The following PABPC4L variants were observed in gnomAD, a reference collection of about 807,000 sequenced individuals.
PABPC4L encodes poly(A) binding protein cytoplasmic 4 like.
For synonymous variants in PABPC4L, 169 were observed against 164.1 expected (o/e 1.03, Z -0.23); for missense variants, 452 against 451.4 (o/e 1.00, Z -0.01).
At position 134,200,522 on chromosome 4, in the gene PABPC4L, C is replaced by T. The variant is rs763198595; in HGVS notation, c.498G>A (p.Lys166=). 12 of 1,551,606 alleles carry T rather than the reference C, an allele frequency of 7.7e-6. No individual in the cohort carries two copies. The South Asian group carries it at 1.3e-4, about 17-fold the overall frequency. Residue 166 remains lysine, a synonymous_variant, in exon 2 of 2, where the codon AAG becomes AAA. Coordinates refer to ENST00000421491, the MANE Select transcript of PABPC4L (RefSeq NM_001114734.2). ...GGTTTTTGAATCTGCCAACAAACAC[C>T]TTGCAGCCCTTGAGTAGTTTTCCAT... is the stretch of plus-strand genomic sequence containing the variant. ...EMNGKLLKGC[K]VFVGRFKNRK...
rs1729675490 is a variant in PABPC4L at position 134,196,854 on chromosome 4, C to T, written c.*3053G>A. 1 of 150,470 alleles carries T rather than the reference C, an allele frequency of 6.6e-6. No homozygotes were observed. The highest frequency in any genetic ancestry group is 2.4e-5 in the African/African-American group (1 of 40,984). The allele number at this position is 150,470 out of a possible 1,614,324, so 9.3% of individuals were successfully genotyped here. On this transcript the variant is annotated 3_prime_UTR_variant, in exon 2 of 2. Coordinates refer to ENST00000421491, the MANE Select transcript of PABPC4L (RefSeq NM_001114734.2). ...AGCAAATGCTGGAAATAAGCAATTT[C>T]TACTAAGAAGGCAGATTATTGTGTA... is the stretch of plus-strand genomic sequence containing the variant.
chr4:133,972,372 C>T, the PABPC4L span, among the ~76,000 whole-genome samples: 1 of 151,968 alleles, frequency 6.6e-6, no homozygotes, highest in Non-Finnish European at 1.5e-5. Context: ...AAATTATTTC[C>T]TTGGACAGAT....
chr4:133,957,371 G>A, the PABPC4L span, among the ~76,000 whole-genome samples: 124 of 152,272 alleles, frequency 8.1e-4, no homozygotes, highest in African/African-American at 2.9e-3. Flanking sequence ...TCACATCCAG[G>A]TCATGCTGAT....
chr4:134,158,315 T>A, the PABPC4L span, among the ~76,000 whole-genome samples: 2 of 152,050 alleles, frequency 1.3e-5, no homozygotes, highest in Admixed American at 6.5e-5. Flanking sequence ...CTTCTTTATA[T>A]CTGTTAGTCA....
the PABPC4L span, among the ~76,000 whole-genome samples, chr4:134,133,818 T>A: frequency 6.6e-6 from 1 of 151,972 alleles, no homozygotes; most frequent in Admixed American, 6.6e-5. Flanking sequence ...CAAAACCTAT[T>A]GAAATTATTT....
chr4:134,023,334 C>T, the PABPC4L span, among the ~76,000 whole-genome samples: 1 of 152,092 alleles, frequency 6.6e-6, no homozygotes, highest in South Asian at 2.1e-4. Context: ...TTCAAAATTC[C>T]AGACAGACTT....
At chr4:134,138,998 G>A in the PABPC4L span, among the ~76,000 whole-genome samples, 1 of 151,774 alleles carries the variant, frequency 6.6e-6, no homozygotes, top group Non-Finnish European at 1.5e-5. Context: ...CAAACTATAT[G>A]TCAAGCCTAT....
chr4:134,200,792 TATG>T lies in PABPC4L; in HGVS notation c.225_227del (p.Ile76del), dbSNP rs746101643. On this transcript the variant is annotated inframe_deletion, in exon 2 of 2. Transcript: ENST00000421491. ...ACATGAGACGGATGGATTTGCCTTT[TATG>T]ATGTCAAAGTTCATTGTGTCCAGCG... is the stretch of plus-strand genomic sequence containing the variant. 1.9e-6 allele frequency: 3 copies of T among 1,552,002 alleles called. No homozygotes were observed. Among genetic ancestry groups the T allele is most frequent in the Non-Finnish European group, 2.6e-6 (3 of 1,147,136 alleles).
At chr4:133,967,923 T>A in the PABPC4L span, among the ~76,000 whole-genome samples, 1 of 152,190 alleles carries the variant, frequency 6.6e-6, no homozygotes, top group Non-Finnish European at 1.5e-5. Flanking sequence ...TGTTTAGAAT[T>A]GTGGATGTCC....
the PABPC4L span, among the ~76,000 whole-genome samples, chr4:134,185,719 T>G: frequency 5.9e-3 from 895 of 152,238 alleles, 11 homozygotes; most frequent in African/African-American, 0.02. Flanking sequence ...ATAAAGGGTT[T>G]CAGTTAGGAA....
chr4:134,101,042 T>A, the PABPC4L span, among the ~76,000 whole-genome samples: 1 of 151,434 alleles, frequency 6.6e-6, no homozygotes, highest in African/African-American at 2.4e-5. Flanking sequence ...ATTAATAGCA[T>A]CTGACATATT....
At chr4:134,152,230 G>A in the PABPC4L span, among the ~76,000 whole-genome samples, 1 of 151,840 alleles carries the variant, frequency 6.6e-6, no homozygotes, top group African/African-American at 2.4e-5. Flanking sequence ...CTATAGCTAC[G>A]AGAGATATTG....
At chr4:134,074,205 A>G in the PABPC4L span, among the ~76,000 whole-genome samples, 1 of 152,070 alleles carries the variant, frequency 6.6e-6, no homozygotes, top group Non-Finnish European at 1.5e-5. Context: ...TCTGCTGGAT[A>G]CCCTAAATCG....
chr4:134,143,117 G>T, the PABPC4L span, among the ~76,000 whole-genome samples: 1 of 151,228 alleles, frequency 6.6e-6, no homozygotes, highest in Admixed American at 6.6e-5. Flanking sequence ...TGAAATGCAT[G>T]ACTATTTCCC....
the PABPC4L span, among the ~76,000 whole-genome samples, chr4:134,058,387 T>A: frequency 6.6e-6 from 1 of 151,982 alleles, no homozygotes; most frequent in African/African-American, 2.4e-5. Flanking sequence ...GCACTTCTTA[T>A]GATAAACTAG....
chr4:134,104,786 A>G, the PABPC4L span, among the ~76,000 whole-genome samples: 1 of 151,734 alleles, frequency 6.6e-6, no homozygotes, highest in Admixed American at 6.6e-5. Context: ...TTTCCTCAAC[A>G]TGATTTCAAA....
chr4:133,996,025 G>A, the PABPC4L span, among the ~76,000 whole-genome samples: 1 of 152,124 alleles, frequency 6.6e-6, no homozygotes, highest in Non-Finnish European at 1.5e-5. Context: ...TACCAGGCAG[G>A]CCAAGAGCTC....
At chr4:134,009,349 C>T in the PABPC4L span, among the ~76,000 whole-genome samples, 1 of 151,844 alleles carries the variant, frequency 6.6e-6, no homozygotes, top group Non-Finnish European at 1.5e-5. Context: ...ACTTATATTT[C>T]CCTTGTTTGT....
At position 134,201,175 on chromosome 4, in the gene PABPC4L, G is replaced by T; in HGVS notation, c.-156C>A. The stretch of plus-strand genomic sequence containing the variant: ...ATGGAGTTCAGACACGACTCCCCCA[G>T]CTCAGGCAACACCCTCATCCAAAAG... On this transcript the variant is annotated 5_prime_UTR_variant, in exon 2 of 2. In the 5' UTR this introduces an upstream ATG that the reference lacks. Transcript: ENST00000421491. 1 of 1,548,376 alleles carries T rather than the reference G, an allele frequency of 6.5e-7. No individual in the cohort carries two copies.
Sources: allele counts gnomAD v4.1 joint callset (sites outside exome capture counted in the v4.1 genomes callset), GRCh38; gene constraint gnomAD v4.1.1; transcripts MANE v1.5; gene names NCBI Gene and HGNC (gene_info 2026-07-23, HGNC 2026-07-21).